FER: variants seen among roughly 807,000 people sequenced by gnomAD.
The protein encoded by FER is FER tyrosine kinase.
FER carries 63 observed loss-of-function variants against 111.0 expected under a neutral mutation model. The ratio of observed to expected loss-of-function variants is 0.57; its 90% CI spans 0.46 to 0.70. The LOEUF is 0.70. Among genes scored for constraint, FER ranks in the 30% least tolerant of loss-of-function variants. The pLI, the probability that FER is intolerant of heterozygous loss-of-function variation, is 0.00. For synonymous variants in FER, 327 were observed against 313.9 expected, an observed-to-expected ratio of 1.04 and a Z score of -0.44; for missense variants, 914 against 954.0, an observed-to-expected ratio of 0.96 and a Z score of 0.55.
chr5:108,919,654 A>G (rs1214946467), intron 10 of FER, among the ~76,000 whole-genome samples: 1 of 152,208 alleles, frequency 6.6e-6, no homozygotes, highest in African/African-American at 2.4e-5. Context: ...GAGTTATTCC[A>G]GCCTTTCAGA....
chr5:109,140,917 A>T (rs1366687457), intron 17 of FER, among the ~76,000 whole-genome samples: 1 of 152,216 alleles, frequency 6.6e-6, no homozygotes, highest in Non-Finnish European at 1.5e-5. Flanking sequence ...AAAGTACCAG[A>T]GTCCATTGAG....
In FER at chr5:109,188,922, C is replaced by G. The variant is rs1163839532; in HGVS notation, c.*1347C>G. ...ATTCACGTGTGTACATGCGCGTGCA[C>G]ACACACCACCAAGGTGCAAGACAGA... On this transcript the variant is annotated 3_prime_UTR_variant, in exon 20 of 20. Coordinates refer to ENST00000281092, the MANE Select transcript of FER (RefSeq NM_005246.4). 6.6e-6 allele frequency: 1 copy of G among 152,082 alleles called. No individual in the cohort carries two copies. The highest frequency in any genetic ancestry group is 2.4e-5 in the African/African-American group (1 of 41,372). 9.4% of individuals were successfully genotyped at this position (152,082 alleles called of 1,614,324 possible).
At chr5:108,768,683 A>G (rs1248225827) in intron 2 of FER, among the ~76,000 whole-genome samples, 1 of 152,190 alleles carries the variant, frequency 6.6e-6, no homozygotes, top group Non-Finnish European at 1.5e-5. Context: ...GTACATTGAT[A>G]TTCTTCTAAG....
rs568200593 is a variant in FER, at chr5:108,798,021, T to G, written c.-59-103T>G. The G allele has an allele frequency of 9.2e-5, 34 of 368,158 alleles. No homozygotes were observed. The South Asian group carries it at 1.2e-3, about 13-fold the overall frequency. 22.8% of individuals were successfully genotyped at this position (368,158 alleles called of 1,614,324 possible). A position where few individuals can be genotyped will look rare whatever the true frequency, so the allele number is the denominator to read the frequency against. Reference sequence around the variant, plus strand: ...TTTGGAAGAAAGTATTCAGTTGTGTTTTTTTTTTTTAACCCCAAAGAAGAA... The same window carrying G: ...TTTGGAAGAAAGTATTCAGTTGTGTGTTTTTTTTTTAACCCCAAAGAAGAA... On this transcript the variant is annotated intron_variant, in intron 2 of 19. Coordinates refer to ENST00000281092, the MANE Select transcript of FER (RefSeq NM_005246.4).
rs113931417 is a variant in FER, at chr5:109,053,104, C to T, written c.1924+5906C>T. On this transcript the variant is annotated intron_variant, in intron 16 of 19. Coordinates refer to ENST00000281092, the MANE Select transcript of FER (RefSeq NM_005246.4). ...ACAAGTCTCAGAAAAGTAATGGAGG[C>T]GGCCGGGAACAGTGGCTCACGCCTG... Among the ~76,000 whole-genome samples, 817 of 152,152 alleles carry T rather than the reference C, an allele frequency of 5.4e-3. 10 individuals carry two copies. Among genetic ancestry groups the T allele is most frequent in the African/African-American group, 0.018 (751 of 41,516 alleles).
chr5:108,817,028 C>T (rs1393742406), intron 3 of FER, among the ~76,000 whole-genome samples: 6 of 137,528 alleles, frequency 4.4e-5, no homozygotes, highest in Non-Finnish European at 9.1e-5. Flanking sequence ...CACTTTAGCC[C>T]AGGAGGCAGA....
At position 108,954,741 on chromosome 5, in the gene FER, A is replaced by G; in HGVS notation, c.1342A>G (p.Ile448Val). ...ALGSSALSDM[I>V]SISEKPLAEQ... ...ATATTTGTTTAAGCTTTCTGATATG[A>G]TCTCCATCAGTGAGAAGCCTTTGGC... Residue 448 changes from isoleucine to valine, a missense_variant, in exon 12 of 20, where the codon ATC becomes GTC. By Grantham distance (29) the Ile-to-Val change is conservative (BLOSUM62 3). Coordinates refer to ENST00000281092, the MANE Select transcript of FER (RefSeq NM_005246.4). 6.3e-7 allele frequency: 1 copy of G among 1,584,788 alleles called. No homozygotes were observed. The highest frequency in any genetic ancestry group is 2.3e-5 in the East Asian group (1 of 44,140).
chr5:108,835,580 G>A (rs1760568998), intron 4 of FER, 128 bp from the exon 5 acceptor site: 2 of 502,506 alleles, frequency 4.0e-6, no homozygotes, highest in East Asian at 3.7e-5. Flanking sequence ...TTCTATAGTT[G>A]TATATTAAAG....
intron 2 of FER, among the ~76,000 whole-genome samples, chr5:108,795,381 C>CT (rs1482827409): frequency 2.0e-5 from 3 of 149,486 alleles, no homozygotes; most frequent in African/African-American, 7.4e-5. Context: ...GGTTTATTCT[C>CT]TTTTTTTGTT....
intron 17 of FER, among the ~76,000 whole-genome samples, chr5:109,146,253 A>ATATATAT (rs1491409370): frequency 4.7e-5 from 2 of 42,130 alleles, no homozygotes; most frequent in African/African-American, 1.8e-4. Context: ...TAATCTATCT[A>ATATATAT]ATATATATAT....
At chr5:109,155,937 G>T (rs147482857) in intron 17 of FER, among the ~76,000 whole-genome samples, 32 of 152,042 alleles carry the variant, frequency 2.1e-4, no homozygotes, top group African/African-American at 7.5e-4. Flanking sequence ...GAGGAAAGGG[G>T]TTCTAATTGA....
At chr5:108,860,845 A>G (rs1763446925) in intron 5 of FER, among the ~76,000 whole-genome samples, 1 of 152,208 alleles carries the variant, frequency 6.6e-6, no homozygotes, top group South Asian at 2.1e-4. Context: ...CAGGAAACTT[A>G]CAATCATGGT....
intron 13 of FER, among the ~76,000 whole-genome samples, chr5:108,983,891 C>T (rs1762277972): frequency 6.6e-6 from 1 of 152,096 alleles, no homozygotes; most frequent in African/African-American, 2.4e-5. Context: ...TACTTGTGCT[C>T]ACGCTTTCAT....
At position 109,192,003 on chromosome 5, in the gene FER, T is replaced by C. The variant is rs1392315014; in HGVS notation, c.*4428T>C. The C allele has an allele frequency of 1.3e-5, 2 of 152,150 alleles. No individual in the cohort carries two copies. The highest frequency in any genetic ancestry group is 4.8e-5 in the African/African-American group (2 of 41,442). 9.4% of individuals were successfully genotyped at this position (152,150 alleles called of 1,614,324 possible). A position where few individuals can be genotyped will look rare whatever the true frequency, so the allele number is the denominator to read the frequency against. ...TTCAATTTAATGAAATACTACCCCA[T>C]TAAAAGCCATCCTCCTGCCTCATAC... is the stretch of plus-strand genomic sequence containing the variant. On this transcript the variant is annotated 3_prime_UTR_variant, in exon 20 of 20. Coordinates refer to ENST00000281092, the MANE Select transcript of FER (RefSeq NM_005246.4).
In FER at chr5:108,833,522, G is replaced by T. The variant is rs1221597205; in HGVS notation, c.381+579G>T. ...TTTTTTACATTGGATCATTTTAAAG[G>T]TATCATTTTATCCATAAATATTTTA... On this transcript the variant is annotated intron_variant, in intron 4 of 19. Transcript: ENST00000281092. Among the ~76,000 whole-genome samples the T allele has an allele frequency of 2.7e-5, 4 of 149,616 alleles. No homozygotes were observed. The East Asian group carries it at 5.8e-4, about 22-fold the overall frequency.
rs367605065 is a variant in FER, at chr5:108,765,050, A to G, written c.-205-3043A>G. On this transcript the variant is annotated intron_variant, in intron 1 of 19. Coordinates refer to ENST00000281092, the MANE Select transcript of FER (RefSeq NM_005246.4). ...AGGGAATAGGAACTATTTTTTGGCT[A>G]TGAATGTGCGTTAGAGATGAAAGTA... Among the ~76,000 whole-genome samples, 27 of 152,308 alleles carry G rather than the reference A, an allele frequency of 1.8e-4. No individual in the cohort carries two copies. The East Asian group carries it at 2.9e-3, about 16-fold the overall frequency.
intron 2 of FER, among the ~76,000 whole-genome samples, chr5:108,788,768 C>G (rs1755032947): frequency 6.6e-6 from 1 of 151,978 alleles, no homozygotes; most frequent in African/African-American, 2.4e-5. Context: ...TAATATTTTA[C>G]CTAAAGGTAA....
At chr5:108,943,313 T>A (rs1280281877) in intron 10 of FER, among the ~76,000 whole-genome samples, 1 of 152,196 alleles carries the variant, frequency 6.6e-6, no homozygotes, top group African/African-American at 2.4e-5. Flanking sequence ...GTGCCTTTCT[T>A]TTTTCTGATG....
At chr5:108,941,084 C>T (rs1423002429) in intron 10 of FER, among the ~76,000 whole-genome samples, 1 of 152,092 alleles carries the variant, frequency 6.6e-6, no homozygotes, top group Non-Finnish European at 1.5e-5. Context: ...GAGAGATCTC[C>T]TGTATTTCCT....
Sources: allele counts gnomAD v4.1 joint callset (sites outside exome capture counted in the v4.1 genomes callset), GRCh38; gene constraint gnomAD v4.1.1; transcripts MANE v1.5; gene names NCBI Gene and HGNC (gene_info 2026-07-23, HGNC 2026-07-21).